The following USP47 variants were observed in gnomAD, a reference collection of about 807,000 sequenced individuals.
The protein encoded by USP47 is ubiquitin specific peptidase 47.
A neutral mutation model predicts 165.1 loss-of-function variants in USP47; 35 were observed. That is an observed-to-expected ratio of 0.21 (90% CI 0.16 to 0.28). The LOEUF is 0.28. USP47 is among the 10% of genes least tolerant of loss of function. The pLI, the probability that USP47 is intolerant of heterozygous loss-of-function variation, is 1.00. For synonymous variants in USP47, 531 were observed against 544.5 expected (o/e 0.98, Z 0.35); for missense variants, 1,277 against 1,607.4 (o/e 0.79, Z 3.52).
At position 11,937,786 on chromosome 11, in the gene USP47, A is replaced by G. The variant is rs1564888473; in HGVS notation, c.2078-471A>G. The stretch of plus-strand genomic sequence containing the variant: ...GGAAAAAACTGAGGATTGACATAAA[A>G]CATGAGGTTAAAACAGATACAGAAT... On this transcript the variant is annotated intron_variant, in intron 17 of 27. Coordinates refer to ENST00000527733, the MANE Select transcript of USP47 (RefSeq NM_001282659.2). Among the ~76,000 whole-genome samples, 3 of 152,090 alleles carry G rather than the reference A, an allele frequency of 2.0e-5. No homozygotes were observed. In the East Asian group the frequency reaches 5.8e-4, roughly 29 times the overall value.
chr11:11,875,731 G>A (rs1850370000), intron 1 of USP47, among the ~76,000 whole-genome samples: 1 of 152,096 alleles, frequency 6.6e-6, no homozygotes, highest in Non-Finnish European at 1.5e-5. Flanking sequence ...TGCCTTCCAA[G>A]TAGCTGAGGT....
At chr11:11,905,317 C>T in intron 7 of USP47, 82 bp from the exon 8 acceptor site, 4 of 979,704 alleles carry the variant, frequency 4.1e-6, no homozygotes, top group Non-Finnish European at 5.5e-6. Flanking sequence ...CTTTTGTAAA[C>T]CATTCTAAAA....
At chr11:11,946,710 A>G (rs1855866586) in intron 20 of USP47, among the ~76,000 whole-genome samples, 1 of 152,166 alleles carries the variant, frequency 6.6e-6, no homozygotes, top group South Asian at 2.1e-4. Flanking sequence ...TGGATTATTG[A>G]CATAGAGGGG....
At chr11:11,906,244 A>G (rs1394197847) in intron 8 of USP47, among the ~76,000 whole-genome samples, 1 of 152,172 alleles carries the variant, frequency 6.6e-6, no homozygotes, top group African/African-American at 2.4e-5. Context: ...TTAAGTTGAT[A>G]TTTAAAATTA....
chr11:11,933,440 T>C (rs1316748349), intron 15 of USP47, among the ~76,000 whole-genome samples: 2 of 152,152 alleles, frequency 1.3e-5, no homozygotes, highest in African/African-American at 4.8e-5. Context: ...AAAATCATAT[T>C]TTTTAATATA....
At chr11:11,935,895 A>G (rs1392013918) in intron 16 of USP47, among the ~76,000 whole-genome samples, 3 of 151,910 alleles carry the variant, frequency 2.0e-5, no homozygotes, top group Admixed American at 1.3e-4. Context: ...TGAATTATCA[A>G]TTCTACTCCA....
intron 1 of USP47, among the ~76,000 whole-genome samples, chr11:11,850,475 AG>A (rs1163402010): frequency 4.6e-5 from 3 of 65,198 alleles, no homozygotes; most frequent in Admixed American, 1.6e-4. Flanking sequence ...AAATATTGGT[AG>A]TTTTTTTTTT....
rs991301949 is a variant in USP47, at chr11:11,957,855, A to C, written c.*1680A>C. ...CTCCTGGAATCCACAATGAAAAAAA[A>C]AATCTTTTCTAAGGTATTTTTCTGG... On this transcript the variant is annotated 3_prime_UTR_variant, in exon 28 of 28. Transcript: ENST00000527733. 1 of 152,112 alleles carries C rather than the reference A, an allele frequency of 6.6e-6. No individual in the cohort carries two copies. Among genetic ancestry groups the C allele is most frequent in the Non-Finnish European group, 1.5e-5 (1 of 68,018 alleles). The allele number at this position is 152,112 out of a possible 1,614,324, so 9.4% of individuals were successfully genotyped here. A position where few individuals can be genotyped will look rare whatever the true frequency, so the allele number is the denominator to read the frequency against.
Position 11,854,871 on chromosome 11 carries a change from A to G in USP47, c.39+12647A>G, listed in dbSNP as rs565031776. On this transcript the variant is annotated intron_variant, in intron 1 of 27. Coordinates refer to ENST00000527733, the MANE Select transcript of USP47 (RefSeq NM_001282659.2). The stretch of plus-strand genomic sequence containing the variant: ...CACTTTGGGAGGCTGAAGCAGGCGG[A>G]TCACGAGGTCAGGAGATCGAGACCA... Among the ~76,000 whole-genome samples the G allele has an allele frequency of 5.0e-4, 73 of 147,138 alleles. 9 individuals carry two copies. The highest frequency in any genetic ancestry group is 4.0e-3 in the Admixed American group (59 of 14,676).
chr11:11,914,884 C>G (rs527374142), intron 8 of USP47, among the ~76,000 whole-genome samples: 4 of 152,254 alleles, frequency 2.6e-5, no homozygotes, highest in African/African-American at 9.6e-5. Flanking sequence ...AACTGTATCA[C>G]ACATACACTG....
At chr11:11,867,575 C>A (rs1849764317) in intron 1 of USP47, among the ~76,000 whole-genome samples, 1 of 151,856 alleles carries the variant, frequency 6.6e-6, no homozygotes, top group Non-Finnish European at 1.5e-5. Context: ...TTTTTTATTT[C>A]TTGAAGCATG....
At chr11:11,892,502 C>A (rs1851595932) in intron 4 of USP47, among the ~76,000 whole-genome samples, 1 of 150,614 alleles carries the variant, frequency 6.6e-6, no homozygotes, top group African/African-American at 2.4e-5. Context: ...CCACCTCAGT[C>A]CCCTGAGTAG....
At chr11:11,851,812 A>T (rs1590222760) in intron 1 of USP47, among the ~76,000 whole-genome samples, 1 of 152,130 alleles carries the variant, frequency 6.6e-6, no homozygotes, top group Non-Finnish European at 1.5e-5. Flanking sequence ...ATTTCATGGA[A>T]TGGCTCTCAA....
intron 7 of USP47, among the ~76,000 whole-genome samples, chr11:11,903,852 A>T (rs1163634207): frequency 6.6e-6 from 1 of 152,122 alleles, no homozygotes; most frequent in African/African-American, 2.4e-5. Context: ...AGATGTTGGG[A>T]TGAGGAGTAA....
At chr11:11,929,284 A>G (rs1442985068) in intron 11 of USP47, 150 bp from the exon 12 acceptor site, 1 of 1,047,862 alleles carries the variant, frequency 9.5e-7, no homozygotes, top group Admixed American at 3.1e-5. Context: ...ATAACTTGCC[A>G]TTTTTGTTTT....
At chr11:11,902,107 C>T (rs919759878) in intron 5 of USP47, among the ~76,000 whole-genome samples, 1 of 152,126 alleles carries the variant, frequency 6.6e-6, no homozygotes, top group Non-Finnish European at 1.5e-5. Flanking sequence ...TCCATCATAT[C>T]ATCTGTAAAT....
chr11:11,952,497 C>T, intron 24 of USP47: 1 of 268,462 alleles, frequency 3.7e-6, no homozygotes. Flanking sequence ...CAACAGGAGT[C>T]AGGAGGGAGT....
chr11:11,909,250 T>C (rs1471574561), intron 8 of USP47, among the ~76,000 whole-genome samples: 2 of 152,172 alleles, frequency 1.3e-5, no homozygotes, highest in African/African-American at 4.8e-5. Context: ...AAAATTAATA[T>C]CAGCTGAAGA....
chr11:11,948,049 T>C lies in USP47; in HGVS notation c.3196T>C (p.Tyr1066His). Residue 1066 changes from tyrosine to histidine, a missense_variant, in exon 21 of 28, where the codon TAT (tyrosine) becomes CAT (histidine). Coordinates refer to ENST00000527733, the MANE Select transcript of USP47 (RefSeq NM_001282659.2). The stretch of plus-strand genomic sequence containing the variant: ...CTCTCACTTCAAGGTCTTTCGAGTG[T>C]ATGCCAGCAATCAAGAGTTTGAGAG... The part of the protein sequence containing the change: ...LSSHFKVFRV[Y>H]ASNQEFESVR... 6.2e-7 allele frequency: 1 copy of C among 1,613,932 alleles called. No homozygotes were observed. Among genetic ancestry groups the C allele is most frequent in the Non-Finnish European group, 8.5e-7 (1 of 1,179,884 alleles).
Sources: gnomAD v4.1 joint callset for allele counts (sites outside exome capture counted in the v4.1 genomes callset) on GRCh38, gnomAD v4.1.1 for gene constraint, MANE v1.5 for transcripts, NCBI Gene and HGNC (gene_info 2026-07-23, HGNC 2026-07-21) for gene names.